Variants in ELMO1 observed in about 807,000 individuals in gnomAD.
ELMO1 encodes engulfment and cell motility protein 1.
ELMO1 carries 26 observed loss-of-function variants against 98.9 expected under a neutral mutation model. That is an observed-to-expected ratio of 0.26 (90% CI 0.19 to 0.36). The LOEUF (loss-of-function observed/expected upper bound fraction) is 0.36. Among genes scored for constraint, ELMO1 ranks in the 10% least tolerant of loss-of-function variants. The pLI, the probability that ELMO1 is intolerant of heterozygous loss-of-function variation, is 1.00. For missense variants in ELMO1, 627 were observed against 935.2 expected, an observed-to-expected ratio of 0.67 and a Z score of 4.30; for synonymous variants, 346 against 346.0, an observed-to-expected ratio of 1.00 and a Z score of 0.00.
intron 16 of ELMO1, chr7:36,985,016 G>T: frequency 3.0e-6 from 3 of 985,390 alleles, no homozygotes; most frequent in Non-Finnish European, 3.6e-6. Context: ...AGCTAGAAGG[G>T]TCCCTACAGG....
intron 2 of ELMO1, among the ~76,000 whole-genome samples, chr7:37,325,807 C>A (rs1799768343): frequency 6.6e-6 from 1 of 152,134 alleles, no homozygotes; most frequent in African/African-American, 2.4e-5. Context: ...AATGTCAGGA[C>A]ACCACTGAGA....
At chr7:37,077,101 A>G (rs1303961337) in intron 15 of ELMO1, among the ~76,000 whole-genome samples, 3 of 152,250 alleles carry the variant, frequency 2.0e-5, no homozygotes, top group Non-Finnish European at 4.4e-5. Flanking sequence ...CAAGCTTTAC[A>G]TACATGTTGG....
At chr7:37,088,794 C>T (rs189593691) in intron 15 of ELMO1, among the ~76,000 whole-genome samples, 114 of 152,318 alleles carry the variant, frequency 7.5e-4, no homozygotes, top group Non-Finnish European at 1.2e-3. Flanking sequence ...GACTTTTATG[C>T]TCTCTCCTAT....
chr7:37,224,771 T>C, intron 9 of ELMO1, 108 bp downstream of exon 9: 1 of 1,462,392 alleles, frequency 6.8e-7, no homozygotes, highest in Non-Finnish European at 9.2e-7. Flanking sequence ...TGAGATTCTT[T>C]TTCTGTACAT....
chr7:36,860,346 C>T lies in ELMO1; in HGVS notation c.1983+1313G>A, dbSNP rs536617368. ...CAGTTCTGGGAGGTCTCTCCGTGCT[C>T]ATTTGATAAATGAGAATGTCTGTAA... On this transcript the variant is annotated intron_variant, in intron 21 of 21. Transcript: ENST00000310758. Among the ~76,000 whole-genome samples, 396 of 152,216 alleles carry T rather than the reference C, an allele frequency of 2.6e-3. 3 individuals carry two copies. Among genetic ancestry groups the T allele is most frequent in the African/African-American group, 9.1e-3 (376 of 41,528 alleles).
intron 1 of ELMO1, among the ~76,000 whole-genome samples, chr7:37,432,405 G>A (rs953591597): frequency 1.3e-5 from 2 of 152,198 alleles, no homozygotes; most frequent in Non-Finnish European, 2.9e-5. Flanking sequence ...CCAAAGGCCT[G>A]AATATGCTCC....
In ELMO1 at chr7:37,244,345, A is replaced by T. The variant is rs1305494208; in HGVS notation, c.449+11T>A. 1 of 1,612,274 alleles carries T rather than the reference A, an allele frequency of 6.2e-7. No individual in the cohort carries two copies. The highest frequency in any genetic ancestry group is 8.5e-7 in the Non-Finnish European group (1 of 1,179,602). On this transcript the variant is annotated intron_variant, in intron 7 of 21. Coordinates refer to ENST00000310758, the MANE Select transcript of ELMO1 (RefSeq NM_014800.11). ...TTAAATCATCAATATCAATCGATCA[A>T]ATATTCTTACCAAGGCTTCATGATC...
At chr7:37,218,723 G>C (rs114722638) in intron 10 of ELMO1, among the ~76,000 whole-genome samples, 181 of 152,008 alleles carry the variant, frequency 1.2e-3, no homozygotes, top group Middle Eastern at 3.4e-3. Flanking sequence ...CACATTTGGT[G>C]AAAAAAAATG....
chr7:37,293,320 G>A (rs1229046949), intron 4 of ELMO1, among the ~76,000 whole-genome samples: 3 of 122,430 alleles, frequency 2.5e-5, no homozygotes, highest in Non-Finnish European at 3.8e-5. Flanking sequence ...GGTGGTTGCC[G>A]TGTCTGTGTA....
At chr7:37,150,174 A>G (rs975132536) in intron 13 of ELMO1, among the ~76,000 whole-genome samples, 1 of 152,306 alleles carries the variant, frequency 6.6e-6, no homozygotes, top group South Asian at 2.1e-4. Flanking sequence ...TAGGGATCTG[A>G]GCCATGGCTG....
intron 1 of ELMO1, among the ~76,000 whole-genome samples, chr7:37,415,330 T>C (rs1485871652): frequency 3.3e-5 from 5 of 152,190 alleles, no homozygotes; most frequent in African/African-American, 4.8e-5. Context: ...CACTGAAAAG[T>C]TCTGGGCTGT....
chr7:37,309,073 A>G (rs1798764861), intron 4 of ELMO1, among the ~76,000 whole-genome samples: 1 of 152,194 alleles, frequency 6.6e-6, no homozygotes, highest in South Asian at 2.1e-4. Flanking sequence ...GCAGTGTATT[A>G]GTCCGTTCTC....
At chr7:37,135,094 GC>G (rs568910655) in intron 13 of ELMO1, among the ~76,000 whole-genome samples, 165 of 152,220 alleles carry the variant, frequency 1.1e-3, no homozygotes, top group African/African-American at 3.7e-3. Flanking sequence ...AGAGGAGAAG[GC>G]CGGGCTGATC....
At chr7:36,899,505 T>C (rs761628366) in intron 16 of ELMO1, among the ~76,000 whole-genome samples, 54 of 152,128 alleles carry the variant, frequency 3.5e-4, no homozygotes, top group Non-Finnish European at 5.6e-4. Flanking sequence ...AAAGAAAACA[T>C]GCTTTTGGAA....
intron 15 of ELMO1, among the ~76,000 whole-genome samples, chr7:37,092,838 A>C (rs989315147): frequency 1.3e-5 from 2 of 152,086 alleles, no homozygotes; most frequent in African/African-American, 4.8e-5. Context: ...CTGAGCTGTG[A>C]TTCCAAGATG....
intron 1 of ELMO1, among the ~76,000 whole-genome samples, chr7:37,407,949 A>C (rs1162651224): frequency 6.6e-6 from 1 of 152,196 alleles, no homozygotes; most frequent in Non-Finnish European, 1.5e-5. Flanking sequence ...GTAAACCTAA[A>C]ATTTCTCTTA....
intron 1 of ELMO1, among the ~76,000 whole-genome samples, chr7:37,414,374 A>G (rs1448850535): frequency 6.6e-6 from 1 of 152,254 alleles, no homozygotes; most frequent in Non-Finnish European, 1.5e-5. Context: ...CCTGTACATT[A>G]CATGTAGAAT....
At chr7:37,191,203 AAAAG>A (rs1257762348) in intron 13 of ELMO1, among the ~76,000 whole-genome samples, 9 of 151,396 alleles carry the variant, frequency 5.9e-5, no homozygotes, top group Admixed American at 1.3e-4. Flanking sequence ...AAAAAAAAAA[AAAAG>A]AAAGAAAATA....
chr7:37,433,927 T>C (rs1189360805), intron 1 of ELMO1, among the ~76,000 whole-genome samples: 1 of 152,202 alleles, frequency 6.6e-6, no homozygotes, highest in Non-Finnish European at 1.5e-5. Flanking sequence ...AACCCCTGCC[T>C]GTCCCCGAAC....
Sources: allele counts gnomAD v4.1 joint callset (sites outside exome capture counted in the v4.1 genomes callset), GRCh38; gene constraint gnomAD v4.1.1; transcripts MANE v1.5; gene names NCBI Gene and HGNC (gene_info 2026-07-23, HGNC 2026-07-21).